Variants in CFAP300 observed in about 807,000 individuals in gnomAD.
The protein encoded by CFAP300 is cilia- and flagella-associated protein 300.
Under a neutral mutation model 33.0 loss-of-function variants are expected in CFAP300, and 32 were observed. The observed-to-expected ratio is 0.97, with a 90% confidence interval of 0.73 to 1.30. The LOEUF (loss-of-function observed/expected upper bound fraction) is 1.30, where lower values mean the gene tolerates loss of function less well. Among genes scored for constraint, CFAP300 ranks in the 50% most tolerant of loss-of-function variants. The pLI, the probability that CFAP300 is intolerant of heterozygous loss-of-function variation, is 0.00. For synonymous variants in CFAP300, 102 were observed against 106.8 expected (o/e 0.95, Z 0.28); for missense variants, 356 against 318.1 (o/e 1.12, Z -0.90).
At chr11:102,080,024 G>A (rs1942451352) in intron 5 of CFAP300, among the ~76,000 whole-genome samples, 1 of 152,166 alleles carries the variant, frequency 6.6e-6, no homozygotes, top group South Asian at 2.1e-4. Context: ...GCCATCACCT[G>A]TAATCCCAGG....
At chr11:102,074,278 C>T (rs1436804911) in intron 4 of CFAP300, among the ~76,000 whole-genome samples, 1 of 152,160 alleles carries the variant, frequency 6.6e-6, no homozygotes, top group African/African-American at 2.4e-5. Flanking sequence ...GTGTGGTCTC[C>T]AGGCAGCTGC....
chr11:102,063,100 A>T (rs912701364), intron 3 of CFAP300, among the ~76,000 whole-genome samples: 5 of 151,080 alleles, frequency 3.3e-5, no homozygotes, highest in Admixed American at 1.3e-4. Flanking sequence ...AGGCAGGGCC[A>T]CCCTGCAGAA....
chr11:102,054,727 T>TAAAAAA (rs1942023849), intron 2 of CFAP300, among the ~76,000 whole-genome samples: 1 of 30,854 alleles, frequency 3.2e-5, no homozygotes, highest in African/African-American at 1.6e-4. Flanking sequence ...AGACTTGGTC[T>TAAAAAA]CAAAAAAAAA....
chr11:102,068,909 C>G (rs1942268825), intron 4 of CFAP300, among the ~76,000 whole-genome samples: 1 of 152,134 alleles, frequency 6.6e-6, no homozygotes, highest in Admixed American at 6.5e-5. Context: ...TCTGGGTTTC[C>G]CTCCTTTTGG....
chr11:102,080,635 G>C (rs1227543082), intron 5 of CFAP300, among the ~76,000 whole-genome samples: 1 of 152,078 alleles, frequency 6.6e-6, no homozygotes, highest in East Asian at 1.9e-4. Context: ...CCCGACCTCA[G>C]GTGATCTGCC....
chr11:102,055,604 TC>T (rs936998603), intron 2 of CFAP300, among the ~76,000 whole-genome samples: 4 of 150,474 alleles, frequency 2.7e-5, no homozygotes, highest in African/African-American at 9.8e-5. Flanking sequence ...AGCCTCAGCC[TC>T]CCAAAGTGCT....
intron 2 of CFAP300, 98 bp from the exon 3 acceptor site, chr11:102,058,778 CCTTT>C (rs1591317017): frequency 1.5e-6 from 1 of 683,016 alleles, no homozygotes; most frequent in East Asian, 2.9e-5. Flanking sequence ...TTAAAATTGT[CCTTT>C]CTATTTGAAT....
chr11:102,057,938 C>T (rs1942084186), intron 2 of CFAP300: 1 of 152,082 alleles, frequency 6.6e-6, no homozygotes, highest in Admixed American at 6.6e-5. Context: ...ATACCATCCT[C>T]GATGTACCTG....
At chr11:102,056,084 C>CT (rs1365094312) in intron 2 of CFAP300, among the ~76,000 whole-genome samples, 1 of 152,122 alleles carries the variant, frequency 6.6e-6, no homozygotes, top group Non-Finnish European at 1.5e-5. Flanking sequence ...GTTCTAAGTC[C>CT]TGGGAGATAG....
chr11:102,072,496 T>C (rs1327322594), intron 4 of CFAP300, among the ~76,000 whole-genome samples: 1 of 152,012 alleles, frequency 6.6e-6, no homozygotes, highest in Admixed American at 6.6e-5. Flanking sequence ...AGAGACAGGG[T>C]TTCACCATGT....
intron 5 of CFAP300, among the ~76,000 whole-genome samples, chr11:102,079,912 A>G (rs1204194323): frequency 1.3e-5 from 2 of 152,116 alleles, no homozygotes; most frequent in South Asian, 2.1e-4. Context: ...TTCTTTAGTT[A>G]TATTGTCCAT....
At chr11:102,079,423 CTA>C (rs1268027968) in intron 5 of CFAP300, among the ~76,000 whole-genome samples, 1 of 152,082 alleles carries the variant, frequency 6.6e-6, no homozygotes, top group Non-Finnish European at 1.5e-5. Flanking sequence ...TGAACTTGAC[CTA>C]TGTCATAGAA....
At chr11:102,067,777 C>T (rs772801580) in intron 4 of CFAP300, among the ~76,000 whole-genome samples, 4 of 152,098 alleles carry the variant, frequency 2.6e-5, no homozygotes, top group Non-Finnish European at 5.9e-5. Context: ...TGCAGTGGAG[C>T]GCACCTGTGG....
chr11:102,076,602 T>A (rs1383362761), intron 5 of CFAP300, among the ~76,000 whole-genome samples: 1 of 152,228 alleles, frequency 6.6e-6, no homozygotes, highest in African/African-American at 2.4e-5. Flanking sequence ...CTGAAATGAA[T>A]GTTCTTTGGT....
intron 2 of CFAP300, among the ~76,000 whole-genome samples, chr11:102,055,912 G>A (rs11225112): frequency 0.43 from 64,640 of 150,254 alleles, 13,988 homozygotes; most frequent in East Asian, 0.68. Context: ...CCTGTGATCC[G>A]CCCGCCTCGG....
chr11:102,065,386 A>G (rs939528409), intron 3 of CFAP300, among the ~76,000 whole-genome samples: 1 of 152,030 alleles, frequency 6.6e-6, no homozygotes, highest in Non-Finnish European at 1.5e-5. Context: ...AATTACAGGC[A>G]TGACCCACCA....
At chr11:102,062,994 G>A (rs1468916858) in intron 3 of CFAP300, among the ~76,000 whole-genome samples, 1 of 152,200 alleles carries the variant, frequency 6.6e-6, no homozygotes, top group Non-Finnish European at 1.5e-5. Context: ...TCAAGAAAAG[G>A]TTAGAAAGAC....
intron 1 of CFAP300, 35 bp from the exon 2 acceptor site, chr11:102,047,780 C>T: frequency 6.2e-7 from 1 of 1,607,632 alleles, no homozygotes; most frequent in Non-Finnish European, 8.5e-7. Flanking sequence ...AGGGTGCCAG[C>T]CCCCAGATGA....
intron 6 of CFAP300, among the ~76,000 whole-genome samples, chr11:102,081,623 CG>C (rs1338068932): frequency 6.6e-6 from 1 of 152,176 alleles, no homozygotes; most frequent in Non-Finnish European, 1.5e-5. Context: ...TCGCCGGGCC[CG>C]GTGGCTCACG....
Sources: allele counts gnomAD v4.1 joint callset (sites outside exome capture counted in the v4.1 genomes callset), GRCh38; gene constraint gnomAD v4.1.1; transcripts MANE v1.5; gene names NCBI Gene and HGNC (gene_info 2026-07-23, HGNC 2026-07-21).